Variants in FOXN3 observed in about 807,000 individuals in gnomAD.
The protein encoded by FOXN3 is forkhead box N3.
Under a neutral mutation model 38.4 loss-of-function variants are expected in FOXN3, and 7 were observed. That is an observed-to-expected ratio of 0.18 (90% CI 0.10 to 0.34). The LOEUF is 0.34. Ranked by LOEUF, FOXN3 falls within the 10% of genes least tolerant of loss-of-function variation. FOXN3 has a pLI of 1.00. For missense variants in FOXN3, 456 were observed against 613.4 expected, an observed-to-expected ratio of 0.74 and a Z score of 2.71; for synonymous variants, 230 against 242.2, an observed-to-expected ratio of 0.95 and a Z score of 0.47.
chr14:89,278,170 G>A (rs1408878840), intron 4 of FOXN3, among the ~76,000 whole-genome samples: 2 of 152,140 alleles, frequency 1.3e-5, no homozygotes, highest in Admixed American at 1.3e-4. Flanking sequence ...CACGTGGCTG[G>A]AGAGGCCTCA....
intron 3 of FOXN3, among the ~76,000 whole-genome samples, chr14:89,343,098 G>A (rs1239931569): frequency 2.0e-5 from 3 of 152,020 alleles, no homozygotes; most frequent in African/African-American, 7.3e-5. Flanking sequence ...ACTATTAAAC[G>A]CACAACACTC....
At chr14:89,354,160 C>G (rs1166500095) in intron 2 of FOXN3, among the ~76,000 whole-genome samples, 3 of 151,886 alleles carry the variant, frequency 2.0e-5, no homozygotes. Context: ...AGAGTTGGAG[C>G]TTTCTTAGAA....
At chr14:89,288,712 CTCTCTCTCTCTCTATATATATATA>C (rs1886744220) in intron 3 of FOXN3, among the ~76,000 whole-genome samples, 90 of 69,080 alleles carry the variant, frequency 1.3e-3, no homozygotes, top group African/African-American at 1.4e-3. Flanking sequence ...CTCTCTCTCT[CTCTCTCTCTCTCTATATATATATA>C]TATATATATA....
chr14:89,433,822 A>G (rs1466810224), intron 1 of FOXN3, among the ~76,000 whole-genome samples: 1 of 152,082 alleles, frequency 6.6e-6, no homozygotes, highest in Non-Finnish European at 1.5e-5. Flanking sequence ...CAAAAAAAAA[A>G]AAAGAAAAGA....
chr14:89,592,244 A>G (rs1469401838), intron 1 of FOXN3, among the ~76,000 whole-genome samples: 1 of 152,234 alleles, frequency 6.6e-6, no homozygotes, highest in Admixed American at 6.5e-5. Flanking sequence ...TGTTCAACTA[A>G]TAGAGTTTCT....
chr14:89,325,280 A>C (rs796413306), intron 3 of FOXN3, among the ~76,000 whole-genome samples: 11 of 84,682 alleles, frequency 1.3e-4, no homozygotes, highest in South Asian at 3.7e-4. Context: ...ACCAACACCA[A>C]CACCAACACC....
At chr14:89,591,973 A>G (rs577124737) in intron 1 of FOXN3, among the ~76,000 whole-genome samples, 40 of 152,318 alleles carry the variant, frequency 2.6e-4, no homozygotes, top group Non-Finnish European at 4.6e-4. Flanking sequence ...CAAAGGAAAC[A>G]GAGATAACAC....
intron 4 of FOXN3, among the ~76,000 whole-genome samples, chr14:89,255,271 G>A (rs1004753317): frequency 1.3e-5 from 2 of 152,144 alleles, no homozygotes; most frequent in South Asian, 2.1e-4. Context: ...TCACAAATGC[G>A]GCATTTCAAC....
chr14:89,223,749 G>A (rs544874996), intron 4 of FOXN3, among the ~76,000 whole-genome samples: 2 of 152,298 alleles, frequency 1.3e-5, no homozygotes, highest in African/African-American at 2.4e-5. Context: ...AGGGGGAGAG[G>A]CGTCCTCATG....
chr14:89,537,178 T>C (rs1244657930), intron 1 of FOXN3, among the ~76,000 whole-genome samples: 1 of 152,206 alleles, frequency 6.6e-6, no homozygotes, highest in African/African-American at 2.4e-5. Flanking sequence ...GGGGACAATG[T>C]CCTATTCATC....
At chr14:89,341,550 T>G (rs1318731494) in intron 3 of FOXN3, among the ~76,000 whole-genome samples, 1 of 152,204 alleles carries the variant, frequency 6.6e-6, no homozygotes, top group Admixed American at 6.5e-5. Context: ...CTCCCTCCTT[T>G]GTTAATCTAG....
chr14:89,202,974 C>T (rs895438779), intron 4 of FOXN3, among the ~76,000 whole-genome samples: 1 of 150,482 alleles, frequency 6.6e-6, no homozygotes, highest in Admixed American at 6.6e-5. Context: ...GATGCTACAG[C>T]TCTGGGGCAA....
chr14:89,232,895 G>A (rs974998814), intron 4 of FOXN3, among the ~76,000 whole-genome samples: 9 of 152,176 alleles, frequency 5.9e-5, no homozygotes, highest in Non-Finnish European at 7.3e-5. Flanking sequence ...GTGACAGGAA[G>A]CATTTGCACT....
At chr14:89,464,574 T>A (rs1892929717) in intron 1 of FOXN3, among the ~76,000 whole-genome samples, 1 of 152,226 alleles carries the variant, frequency 6.6e-6, no homozygotes, top group Non-Finnish European at 1.5e-5. Context: ...GGTTTGGCTG[T>A]GTCCCCACCC....
intron 3 of FOXN3, among the ~76,000 whole-genome samples, chr14:89,306,010 A>C (rs1887358909): frequency 6.6e-6 from 1 of 152,246 alleles, no homozygotes; most frequent in Admixed American, 6.5e-5. Context: ...ATATTTGCAA[A>C]GAAATTATGA....
rs146944066 is a variant in FOXN3 at position 89,346,076 on chromosome 14, G to A, written c.680+4596C>T. Among the ~76,000 whole-genome samples the A allele has an allele frequency of 2.6e-3, 402 of 152,134 alleles. 3 individuals carry two copies. Among genetic ancestry groups the A allele is most frequent in the African/African-American group, 9.0e-3 (375 of 41,510 alleles). ...CAAAAAATAAAAGAAAAGAATAATG[G>A]CCTCCAGCTGCATTTAAATTGCTGC... On this transcript the variant is annotated intron_variant, in intron 3 of 5. Transcript: ENST00000557258.
chr14:89,367,815 C>A (rs1446322811), intron 2 of FOXN3, among the ~76,000 whole-genome samples: 1 of 143,212 alleles, frequency 7.0e-6, no homozygotes, highest in Non-Finnish European at 1.5e-5. Context: ...AGAGCCAGGG[C>A]TCAGCAAGCC....
upstream of FOXN3, chr14:89,419,835 A>T (rs1244447603): frequency 6.6e-6 from 1 of 152,268 alleles, no homozygotes; most frequent in Non-Finnish European, 1.5e-5. Flanking sequence ...TATTTATGGA[A>T]TAGTTAAGTA....
intron 2 of FOXN3, among the ~76,000 whole-genome samples, chr14:89,360,376 G>T (rs971601678): frequency 1.4e-5 from 2 of 146,430 alleles, no homozygotes; most frequent in African/African-American, 5.1e-5. Context: ...GAGGGAGAAA[G>T]GGAAAGGGAG....
Sources: gnomAD v4.1 joint callset for allele counts (sites outside exome capture counted in the v4.1 genomes callset) on GRCh38, gnomAD v4.1.1 for gene constraint, MANE v1.5 for transcripts, NCBI Gene and HGNC (gene_info 2026-07-23, HGNC 2026-07-21) for gene names.